The following GABRA5 variants were observed in gnomAD, a reference collection of about 807,000 sequenced individuals.
GABRA5 encodes the protein gamma-aminobutyric acid type A receptor subunit alpha5.
A neutral mutation model predicts 47.3 loss-of-function variants in GABRA5; 18 were observed. The observed-to-expected ratio is 0.38, with a 90% CI of 0.26 to 0.56. GABRA5 has a LOEUF of 0.56. Among genes scored for constraint, GABRA5 ranks in the 20% least tolerant of loss-of-function variants. The pLI, the probability that GABRA5 is intolerant of heterozygous loss-of-function variation, is 0.71. For missense variants in GABRA5, 365 were observed against 599.3 expected (o/e 0.61, Z 4.08); for synonymous variants, 237 against 229.3 (o/e 1.03, Z -0.30).
intron 6 of GABRA5, among the ~76,000 whole-genome samples, chr15:26,904,345 A>C (rs568180788): frequency 6.6e-6 from 1 of 152,234 alleles, no homozygotes; most frequent in East Asian, 1.9e-4. Context: ...TACCAGTACC[A>C]TGCTGTTTTG....
chr15:26,890,909 T>C (rs1190853497), intron 6 of GABRA5, among the ~76,000 whole-genome samples: 3 of 152,174 alleles, frequency 2.0e-5, no homozygotes, highest in African/African-American at 7.2e-5. Flanking sequence ...TATGAGGGAC[T>C]TGGAAAGAGA....
At chr15:26,872,595 A>T (rs909759899) in intron 3 of GABRA5, among the ~76,000 whole-genome samples, 11 of 152,208 alleles carry the variant, frequency 7.2e-5, no homozygotes, top group Non-Finnish European at 1.3e-4. Flanking sequence ...TTTTCCCTCC[A>T]AAGAAAGAGT....
At chr15:26,930,895 C>CTTTTTTTTTTTT (rs555799476) in intron 7 of GABRA5, among the ~76,000 whole-genome samples, 6 of 115,034 alleles carry the variant, frequency 5.2e-5, no homozygotes, top group East Asian at 2.4e-4. Flanking sequence ...TCTTTCTTTT[C>CTTTTTTTTTTTT]TTTTTTTTTT....
At chr15:26,890,300 C>T (rs1480758815) in intron 6 of GABRA5, among the ~76,000 whole-genome samples, 2 of 152,158 alleles carry the variant, frequency 1.3e-5, no homozygotes, top group African/African-American at 4.8e-5. Flanking sequence ...ATTACTTCCT[C>T]TCTGGCACCT....
chr15:26,924,754 A>G (rs966946656), intron 7 of GABRA5, among the ~76,000 whole-genome samples: 4 of 152,218 alleles, frequency 2.6e-5, no homozygotes, highest in African/African-American at 9.6e-5. Context: ...CCAGTGTCTA[A>G]AAGGTTTCTT....
intron 7 of GABRA5, among the ~76,000 whole-genome samples, chr15:26,924,018 T>A (rs946084798): frequency 6.6e-6 from 1 of 152,084 alleles, no homozygotes; most frequent in Admixed American, 6.5e-5. Flanking sequence ...AATGGCTGCT[T>A]TAAAAACATC....
chr15:26,888,686 C>T (rs575536192), intron 6 of GABRA5, among the ~76,000 whole-genome samples: 12 of 152,292 alleles, frequency 7.9e-5, no homozygotes, highest in African/African-American at 1.2e-4. Context: ...TACACCATTA[C>T]GTAAGTTATA....
chr15:26,943,395 G>A lies in GABRA5; in HGVS notation c.1058G>A (p.Gly353Asp). The stretch of plus-strand genomic sequence containing the variant: ...ACCAAGAGAGGCTGGGCCTGGGATG[G>A]CAAAAAAGCCTTGGAAGCAGCCAAG... ...YFTKRGWAWD[G>D]KKALEAAKIK... The change falls in exon 10 of 11, where the codon GGC (glycine) becomes GAC (aspartate). Residue 353 changes from glycine (G) to aspartate (D), a missense_variant. By Grantham distance (94) the Gly-to-Asp change is moderately conservative. Transcript: ENST00000335625. The A allele has an allele frequency of 1.3e-6, 2 of 1,596,572 alleles. No individual in the cohort carries two copies. Among genetic ancestry groups the A allele is most frequent in the East Asian group, 2.3e-5 (1 of 44,120 alleles).
chr15:26,910,122 G>C (rs111834123), intron 6 of GABRA5, among the ~76,000 whole-genome samples: 2,957 of 151,710 alleles, frequency 0.019, 92 homozygotes, highest in African/African-American at 0.068. Context: ...TGGTTAGGCA[G>C]TTTTACAAAG....
At chr15:26,913,212 G>T (rs568293910) in intron 6 of GABRA5, among the ~76,000 whole-genome samples, 6 of 149,562 alleles carry the variant, frequency 4.0e-5, no homozygotes, top group African/African-American at 1.5e-4. Flanking sequence ...TCCTCTCCTT[G>T]CCTGAATGTG....
chr15:26,948,020 G>A lies in GABRA5; in HGVS notation c.1176G>A (p.Gln392=), dbSNP rs1475134076. ...ACCCCCCAAACATTCCGAAGGAACA[G>A]ACCCCAGCAGGGACGTCGAATACAA... ...MSHPPNIPKE[Q]TPAGTSNTTS... Residue 392 remains glutamine (Q), a synonymous_variant, in exon 11 of 11, where the codon CAG becomes CAA. Transcript: ENST00000335625. 5.6e-6 allele frequency: 9 copies of A among 1,604,094 alleles called. No homozygotes were observed. Among genetic ancestry groups the A allele is most frequent in the Non-Finnish European group, 7.7e-6 (9 of 1,174,958 alleles).
At chr15:26,931,889 T>C (rs537680959) in intron 7 of GABRA5, among the ~76,000 whole-genome samples, 11 of 152,206 alleles carry the variant, frequency 7.2e-5, no homozygotes, top group African/African-American at 2.6e-4. Context: ...GTCTTAAATA[T>C]GAAAGAGTCA....
At chr15:26,873,392 T>C (rs1247359121) in intron 3 of GABRA5, among the ~76,000 whole-genome samples, 2 of 136,928 alleles carry the variant, frequency 1.5e-5, no homozygotes, top group Non-Finnish European at 3.3e-5. Flanking sequence ...GGTTTACTGA[T>C]TGATAAAAAA....
intron 7 of GABRA5, among the ~76,000 whole-genome samples, chr15:26,917,932 ACTTTT>A (rs1415513195): frequency 2.7e-5 from 4 of 149,016 alleles, no homozygotes; most frequent in Non-Finnish European, 4.5e-5. Flanking sequence ...AATTTATTTG[ACTTTT>A]CTTTTTTTCT....
chr15:26,906,694 T>C (rs1397931920), intron 6 of GABRA5, among the ~76,000 whole-genome samples: 1 of 152,238 alleles, frequency 6.6e-6, no homozygotes, highest in Non-Finnish European at 1.5e-5. Flanking sequence ...TCTTTTGTAG[T>C]ATTTTAAAAA....
At chr15:26,907,426 C>T (rs1893471028) in intron 6 of GABRA5, among the ~76,000 whole-genome samples, 1 of 152,208 alleles carries the variant, frequency 6.6e-6, no homozygotes, top group Non-Finnish European at 1.5e-5. Context: ...ACTCCCCATT[C>T]CTGCCCCGCA....
intron 7 of GABRA5, among the ~76,000 whole-genome samples, chr15:26,915,656 T>G (rs1726568196): frequency 6.6e-6 from 1 of 152,226 alleles, no homozygotes; most frequent in Non-Finnish European, 1.5e-5. Context: ...TGTGAGCTAT[T>G]GGGAGCAGAC....
chr15:26,934,276 GA>G (rs1157724313), intron 7 of GABRA5, among the ~76,000 whole-genome samples: 9 of 143,808 alleles, frequency 6.3e-5, no homozygotes, highest in African/African-American at 1.5e-4. Context: ...AAGAAAGAAA[GA>G]AAAAAAAGGA....
At chr15:26,932,789 A>G (rs1210054285) in intron 7 of GABRA5, among the ~76,000 whole-genome samples, 1 of 152,338 alleles carries the variant, frequency 6.6e-6, no homozygotes, top group East Asian at 1.9e-4. Context: ...GGCCATAAAA[A>G]GGAACAAGAT....
Sources: gnomAD v4.1 joint callset for allele counts (sites outside exome capture counted in the v4.1 genomes callset) on GRCh38, gnomAD v4.1.1 for gene constraint, MANE v1.5 for transcripts, NCBI Gene and HGNC (gene_info 2026-07-23, HGNC 2026-07-21) for gene names.